ATF7IP2: variants seen among roughly 807,000 people sequenced by gnomAD.
ATF7IP2 encodes the protein activating transcription factor 7 interacting protein 2.
In ATF7IP2, 42 loss-of-function variants were observed where a neutral mutation model predicts 64.2. The observed-to-expected ratio is 0.65, with a 90% CI of 0.51 to 0.85. ATF7IP2 has a LOEUF of 0.85. Among genes scored for constraint, ATF7IP2 ranks in the 40% least tolerant of loss-of-function variants. The probability of loss-of-function intolerance (pLI) is 0.00; values close to 1 mark genes in which losing one functional copy is unlikely to be tolerated. For synonymous variants in ATF7IP2, 308 were observed against 272.8 expected (o/e 1.13, Z -1.27); for missense variants, 933 against 784.2 (o/e 1.19, Z -2.27).
intron 9 of ATF7IP2, among the ~76,000 whole-genome samples, chr16:10,464,331 G>A (rs2049480974): frequency 6.6e-6 from 1 of 152,072 alleles, no homozygotes; most frequent in South Asian, 2.1e-4. Flanking sequence ...TTGTTATCCT[G>A]GCTCTAGAGA....
chr16:10,412,581 G>C (rs1323114245), intron 1 of ATF7IP2, among the ~76,000 whole-genome samples: 1 of 152,136 alleles, frequency 6.6e-6, no homozygotes, highest in Non-Finnish European at 1.5e-5. Context: ...ATTGAGGCTT[G>C]TTTTGTAGCC....
chr16:10,389,371 A>C (rs1315307542), intron 1 of ATF7IP2, among the ~76,000 whole-genome samples: 1 of 152,198 alleles, frequency 6.6e-6, no homozygotes, highest in Non-Finnish European at 1.5e-5. Context: ...AGGAGGGCAG[A>C]CCACAGTGCT....
At chr16:10,464,232 T>C (rs2049477504) in intron 9 of ATF7IP2, among the ~76,000 whole-genome samples, 1 of 152,210 alleles carries the variant, frequency 6.6e-6, no homozygotes, top group Non-Finnish European at 1.5e-5. Context: ...TCATGTACTT[T>C]TGTATACATT....
intron 9 of ATF7IP2, among the ~76,000 whole-genome samples, chr16:10,459,034 A>AATAATG (rs1392578777): frequency 6.6e-6 from 1 of 150,774 alleles, no homozygotes; most frequent in African/African-American, 2.4e-5. Flanking sequence ...AAAAAATAAT[A>AATAATG]ATAATAATAC....
chr16:10,423,783 C>G (rs1205695664), intron 3 of ATF7IP2, among the ~76,000 whole-genome samples: 1 of 152,166 alleles, frequency 6.6e-6, no homozygotes, highest in Non-Finnish European at 1.5e-5. Context: ...TGAAAAGGTT[C>G]CAAGGTGGAA....
chr16:10,409,928 T>C (rs1414351510), intron 1 of ATF7IP2, among the ~76,000 whole-genome samples: 3 of 152,224 alleles, frequency 2.0e-5, no homozygotes, highest in Non-Finnish European at 4.4e-5. Context: ...GTTCCATTGG[T>C]CTTTGTGCCT....
At chr16:10,387,051 A>G (rs1193741887) in intron 1 of ATF7IP2, 2 of 152,220 alleles carry the variant, frequency 1.3e-5, no homozygotes, top group South Asian at 2.1e-4. Context: ...TGAATAGTCC[A>G]CATTAGAAAA....
At chr16:10,389,119 C>T in intron 1 of ATF7IP2, among the ~76,000 whole-genome samples, 1 of 151,678 alleles carries the variant, frequency 6.6e-6, no homozygotes, top group East Asian at 1.9e-4. Flanking sequence ...AGAGCATAGA[C>T]TAGGAGGGAA....
chr16:10,448,959 ACT>A (rs1156896435), intron 8 of ATF7IP2: 33 of 151,688 alleles, frequency 2.2e-4, no homozygotes, highest in African/African-American at 7.3e-4. Context: ...GTCATAAATA[ACT>A]CTTATTATTT....
chr16:10,471,331 C>A (rs1276593265), intron 9 of ATF7IP2, among the ~76,000 whole-genome samples: 16 of 152,140 alleles, frequency 1.1e-4, no homozygotes, highest in Admixed American at 2.0e-4. Flanking sequence ...AGTTCAAGAC[C>A]AGCCTGACCA....
chr16:10,396,944 G>A (rs893280180), intron 1 of ATF7IP2, among the ~76,000 whole-genome samples: 2 of 152,078 alleles, frequency 1.3e-5, no homozygotes, highest in Non-Finnish European at 2.9e-5. Flanking sequence ...TGGGATTACA[G>A]GCATGAGCTA....
At chr16:10,404,051 A>G (rs1302731694) in intron 1 of ATF7IP2, among the ~76,000 whole-genome samples, 3 of 152,212 alleles carry the variant, frequency 2.0e-5, no homozygotes. Flanking sequence ...TAGTCTAGCA[A>G]AAGATTCAGA....
chr16:10,467,725 G>A (rs1435383325), intron 9 of ATF7IP2, among the ~76,000 whole-genome samples: 1 of 151,492 alleles, frequency 6.6e-6, no homozygotes, highest in Non-Finnish European at 1.5e-5. Flanking sequence ...GTAATGTTTT[G>A]TATTTTTAGC....
intron 1 of ATF7IP2, among the ~76,000 whole-genome samples, chr16:10,391,049 T>G (rs1299315917): frequency 6.6e-6 from 1 of 151,422 alleles, no homozygotes. Context: ...TCCTAGCTAC[T>G]CTGGAGAATG....
chr16:10,386,587 G>A (rs945967415), intron 1 of ATF7IP2: 3 of 152,108 alleles, frequency 2.0e-5, no homozygotes, highest in Admixed American at 2.0e-4. Flanking sequence ...GTGCCAGAAG[G>A]CAACTGGATC....
At chr16:10,438,859 C>T (rs746470437) in intron 7 of ATF7IP2, among the ~76,000 whole-genome samples, 1 of 152,030 alleles carries the variant, frequency 6.6e-6, no homozygotes, top group Non-Finnish European at 1.5e-5. Flanking sequence ...TCGAGACCGT[C>T]CTGGGCAACA....
At chr16:10,394,882 G>C (rs2047393897) in intron 1 of ATF7IP2, among the ~76,000 whole-genome samples, 1 of 151,964 alleles carries the variant, frequency 6.6e-6, no homozygotes, top group Non-Finnish European at 1.5e-5. Flanking sequence ...AGTGATAAAT[G>C]CTATATTAAA....
intron 7 of ATF7IP2, among the ~76,000 whole-genome samples, chr16:10,438,989 A>G (rs1242637610): frequency 2.1e-5 from 3 of 142,078 alleles, no homozygotes; most frequent in Non-Finnish European, 3.0e-5. Flanking sequence ...GGAGGCAGAT[A>G]TTGCAGTGAG....
intron 1 of ATF7IP2, among the ~76,000 whole-genome samples, chr16:10,396,338 T>G (rs939426773): frequency 2.6e-5 from 4 of 152,194 alleles, no homozygotes; most frequent in African/African-American, 9.7e-5. Flanking sequence ...TGGCTCTTCA[T>G]TCTGTTGATT....
Sources: gnomAD v4.1 joint callset for allele counts (sites outside exome capture counted in the v4.1 genomes callset) on GRCh38, gnomAD v4.1.1 for gene constraint, MANE v1.5 for transcripts, NCBI Gene and HGNC (gene_info 2026-07-23, HGNC 2026-07-21) for gene names.